Variants in AGPAT4 observed in about 807,000 individuals in gnomAD.
AGPAT4 encodes the protein 1-acyl-sn-glycerol-3-phosphate acyltransferase delta.
In AGPAT4, 15 loss-of-function variants were observed where a neutral mutation model predicts 48.0. The ratio of observed to expected loss-of-function variants is 0.31; its 90% CI spans 0.21 to 0.48. The LOEUF (loss-of-function observed/expected upper bound fraction) is 0.48. Among genes scored for constraint, AGPAT4 ranks in the 20% least tolerant of loss-of-function variants. The pLI is 0.99. For synonymous variants in AGPAT4, 178 were observed against 198.7 expected (o/e 0.90, Z 0.88); for missense variants, 314 against 482.5 (o/e 0.65, Z 3.27).
At chr6:161,179,295 A>T (rs2114991098) in intron 2 of AGPAT4, among the ~76,000 whole-genome samples, 1 of 152,308 alleles carries the variant, frequency 6.6e-6, no homozygotes, top group South Asian at 2.1e-4. Context: ...AGGGCCCAGC[A>T]CCACTCTCTA....
chr6:161,142,337 G>A lies in AGPAT4; in HGVS notation c.844-2717C>T, dbSNP rs1779280649. 6.6e-6 allele frequency among the ~76,000 whole-genome samples: 1 copy of A among 152,158 alleles called. No homozygotes were observed. The highest frequency in any genetic ancestry group is 1.5e-5 in the Non-Finnish European group (1 of 68,036). On this transcript the variant is annotated intron_variant, in intron 7 of 8. Coordinates refer to ENST00000320285, the MANE Select transcript of AGPAT4 (RefSeq NM_020133.3). The surrounding 1 kb of genome is among the most constrained non-coding windows in gnomAD (Gnocchi z 6.4). ...AATGTCCGTGGCCCATCTTGGTTGT[G>A]GACCCGTTTTGTAATAAAATTTGCC... is the stretch of plus-strand genomic sequence containing the variant.
rs1781034818 is a variant in AGPAT4 at position 161,195,020 on chromosome 6, C to T, written c.179-28603G>A. 6.6e-6 allele frequency among the ~76,000 whole-genome samples: 1 copy of T among 152,158 alleles called. No homozygotes were observed. The highest frequency in any genetic ancestry group is 6.5e-5 in the Admixed American group (1 of 15,272). On this transcript the variant is annotated intron_variant, in intron 2 of 8. Coordinates refer to ENST00000320285, the MANE Select transcript of AGPAT4 (RefSeq NM_020133.3). The surrounding 1 kb of genome is among the most constrained non-coding windows in gnomAD (Gnocchi z 5.0). ...TTGCCCCGGGAGAAGCTTTGGCCAC[C>T]ACCTTCCAAGTCCTTGCTTAATTTC...
In AGPAT4 at chr6:161,147,087, T is replaced by C. The variant is rs1040674075; in HGVS notation, c.768-488A>G. ...TCAAATGATTCCTCTGGCCTCTTGG[T>C]TAGCCTTGAGGCAGACTTTCTGCAA... On this transcript the variant is annotated intron_variant, in intron 6 of 8. Transcript: ENST00000320285. This position sits in a 1 kb window ranked among gnomAD's most constrained non-coding sequence, Gnocchi z 4.8. Among the ~76,000 whole-genome samples, 1 of 152,212 alleles carries C rather than the reference T, an allele frequency of 6.6e-6. No homozygotes were observed. The highest frequency in any genetic ancestry group is 1.5e-5 in the Non-Finnish European group (1 of 68,030).
chr6:161,186,771 G>T (rs996920349), intron 2 of AGPAT4, among the ~76,000 whole-genome samples: 2 of 152,124 alleles, frequency 1.3e-5, no homozygotes, highest in African/African-American at 2.4e-5. Context: ...CAACTGCAAC[G>T]CTGTTCCTGG....
chr6:161,154,021 A>G lies in AGPAT4; in HGVS notation c.510+128T>C, dbSNP rs1159703100. 7 of 1,244,504 alleles carry G rather than the reference A, an allele frequency of 5.6e-6. No individual in the cohort carries two copies. In the Admixed American group the frequency reaches 5.8e-5, roughly 10 times the overall value. The allele number at this position is 1,244,504 out of a possible 1,614,324, so 77.1% of individuals were successfully genotyped here. A position where few individuals can be genotyped will look rare whatever the true frequency, so the allele number is the denominator to read the frequency against. ...CATCCCTGAGGTTATACACAGCCCT[A>G]TGGTCACACACAGCCCTGGAGTCGC... On this transcript the variant is annotated intron_variant, in intron 4 of 8. Transcript: ENST00000320285. The surrounding 1 kb of genome is among the most constrained non-coding windows in gnomAD (Gnocchi z 7.8).
chr6:161,161,861 T>C lies in AGPAT4; in HGVS notation c.348+4387A>G, dbSNP rs1337852300. On this transcript the variant is annotated intron_variant, in intron 3 of 8. Coordinates refer to ENST00000320285, the MANE Select transcript of AGPAT4 (RefSeq NM_020133.3). This position sits in a 1 kb window ranked among gnomAD's most constrained non-coding sequence, Gnocchi z 4.6. ...CGTTTAAAGAGGCAGCACAGGGCTT[T>C]ATGGGCGCCCTCACGCACAGGCACT... 1 of 257,442 alleles carries C rather than the reference T, an allele frequency of 3.9e-6. No homozygotes were observed. Among genetic ancestry groups the C allele is most frequent in the South Asian group, 5.1e-5 (1 of 19,784 alleles). 15.9% of individuals were successfully genotyped at this position (257,442 alleles called of 1,614,324 possible).
Position 161,225,465 on chromosome 6 carries a change from T to C in AGPAT4, c.178+6571A>G, listed in dbSNP as rs1013410361. Among the ~76,000 whole-genome samples the C allele has an allele frequency of 2.0e-5, 3 of 152,154 alleles. No individual in the cohort carries two copies. Among genetic ancestry groups the C allele is most frequent in the African/African-American group, 7.2e-5 (3 of 41,432 alleles). On this transcript the variant is annotated intron_variant, in intron 2 of 8. Transcript: ENST00000320285. This position sits in a 1 kb window ranked among gnomAD's most constrained non-coding sequence, Gnocchi z 5.0. ...CCTTGCTGAGAATTAAAAAGAAAAT[T>C]TTATATTCGAGTGCTATTTCTTTTG...
chr6:161,200,465 C>G lies in AGPAT4; in HGVS notation c.178+31571G>C, dbSNP rs1257484417. ...ACAATCCTAATTATCTATGAGAAGG[C>G]CTGCACTCTCTGGCTTCTTCCATTT... is the stretch of plus-strand genomic sequence containing the variant. On this transcript the variant is annotated intron_variant, in intron 2 of 8. Transcript: ENST00000320285. This position sits in a 1 kb window ranked among gnomAD's most constrained non-coding sequence, Gnocchi z 5.5. 1.3e-5 allele frequency among the ~76,000 whole-genome samples: 2 copies of G among 152,190 alleles called. No individual in the cohort carries two copies.
chr6:161,215,611 T>C lies in AGPAT4; in HGVS notation c.178+16425A>G, dbSNP rs1198337037. On this transcript the variant is annotated intron_variant, in intron 2 of 8. Transcript: ENST00000320285. The surrounding 1 kb of genome is among the most constrained non-coding windows in gnomAD (Gnocchi z 4.5). The stretch of plus-strand genomic sequence containing the variant: ...AACCTAAAACATTCTAGTCTTTATA[T>C]TCTGAAGCCTAGCACATGCTTGAAA... Among the ~76,000 whole-genome samples, 3 of 152,024 alleles carry C rather than the reference T, an allele frequency of 2.0e-5. No individual in the cohort carries two copies. The highest frequency in any genetic ancestry group is 4.4e-5 in the Non-Finnish European group (3 of 68,012).
Position 161,158,662 on chromosome 6 carries a change from C to G in AGPAT4, c.349-4352G>C, listed in dbSNP as rs893417729. Among the ~76,000 whole-genome samples, 1 of 152,202 alleles carries G rather than the reference C, an allele frequency of 6.6e-6. No individual in the cohort carries two copies. Among genetic ancestry groups the G allele is most frequent in the Non-Finnish European group, 1.5e-5 (1 of 68,042 alleles). On this transcript the variant is annotated intron_variant, in intron 3 of 8. Coordinates refer to ENST00000320285, the MANE Select transcript of AGPAT4 (RefSeq NM_020133.3). This position sits in a 1 kb window ranked among gnomAD's most constrained non-coding sequence, Gnocchi z 5.3. ...CCCTGGACGTTGGGAAGAGCTGACG[C>G]AGAGAGGGCCTGAGACCCAGTACTC...
intron 2 of AGPAT4, among the ~76,000 whole-genome samples, chr6:161,224,739 C>T (rs1026322940): frequency 2.6e-5 from 4 of 151,502 alleles, no homozygotes; most frequent in East Asian, 1.9e-4. Flanking sequence ...AAGTACCAAA[C>T]GCAATGCCTG....
intron 2 of AGPAT4, among the ~76,000 whole-genome samples, chr6:161,203,686 C>T (rs2115012464): frequency 6.6e-6 from 1 of 152,254 alleles, no homozygotes; most frequent in East Asian, 1.9e-4. Flanking sequence ...GCATGAGCCA[C>T]AGCGCCCGGC....
rs745883963 is a variant in AGPAT4, at chr6:161,236,930, G to A, written c.-89-4628C>T. 6.6e-6 allele frequency among the ~76,000 whole-genome samples: 1 copy of A among 152,022 alleles called. No homozygotes were observed. ...CAAAATAAATAAATAAAAGGCAGGGGGAGGCTTCTCTCCAGATAATGAGTC... is the reference window on the plus strand; with the variant it reads ...CAAAATAAATAAATAAAAGGCAGGGAGAGGCTTCTCTCCAGATAATGAGTC... On this transcript the variant is annotated intron_variant, in intron 1 of 8. Transcript: ENST00000320285. This position sits in a 1 kb window ranked among gnomAD's most constrained non-coding sequence, Gnocchi z 5.0.
rs549319057 is a variant in AGPAT4, at chr6:161,244,523, G to A, written c.-89-12221C>T. Among the ~76,000 whole-genome samples, 24 of 152,118 alleles carry A rather than the reference G, an allele frequency of 1.6e-4. No homozygotes were observed. The highest frequency in any genetic ancestry group is 5.9e-4 in the Admixed American group (9 of 15,270). On this transcript the variant is annotated intron_variant, in intron 1 of 8. Transcript: ENST00000320285. The surrounding 1 kb of genome is among the most constrained non-coding windows in gnomAD (Gnocchi z 4.7). ...AACCATTGGGGAAAGGGTTACAAGCGTAATCTTTTCAGTATTTCAGCACTC... is the reference window on the plus strand; with the variant it reads ...AACCATTGGGGAAAGGGTTACAAGCATAATCTTTTCAGTATTTCAGCACTC...
chr6:161,217,553 G>A lies in AGPAT4; in HGVS notation c.178+14483C>T, dbSNP rs1296812770. On this transcript the variant is annotated intron_variant, in intron 2 of 8. Transcript: ENST00000320285. This position sits in a 1 kb window ranked among gnomAD's most constrained non-coding sequence, Gnocchi z 4.9. ...GTATGAAGGCATTGGCGTTATGCCT[G>A]CATTTTCTCTCACTAATCATGTTCA... is the stretch of plus-strand genomic sequence containing the variant. 6.6e-6 allele frequency among the ~76,000 whole-genome samples: 1 copy of A among 152,172 alleles called. No homozygotes were observed. The highest frequency in any genetic ancestry group is 6.5e-5 in the Admixed American group (1 of 15,292).
In AGPAT4 at chr6:161,177,698, G is replaced by C. The variant is rs556788186; in HGVS notation, c.179-11281C>G. Among the ~76,000 whole-genome samples the C allele has an allele frequency of 9.2e-5, 14 of 152,314 alleles. No individual in the cohort carries two copies. Among genetic ancestry groups the C allele is most frequent in the Non-Finnish European group, 1.9e-4 (13 of 68,030 alleles). ...CAGCTTTCTTCCATTGCTGCGAGGAGCTGCATTCCTTTGGAGTAGAAGAGG... is the reference window on the plus strand; with the variant it reads ...CAGCTTTCTTCCATTGCTGCGAGGACCTGCATTCCTTTGGAGTAGAAGAGG... On this transcript the variant is annotated intron_variant, in intron 2 of 8. Transcript: ENST00000320285. This position sits in a 1 kb window ranked among gnomAD's most constrained non-coding sequence, Gnocchi z 5.0.
Position 161,154,383 on chromosome 6 carries a change from G to C in AGPAT4, c.349-73C>G. The C allele has an allele frequency of 1.3e-6, 2 of 1,574,904 alleles. No homozygotes were observed. The highest frequency in any genetic ancestry group is 2.3e-5 in the South Asian group (2 of 88,710). On this transcript the variant is annotated intron_variant, in intron 3 of 8. Transcript: ENST00000320285. This position sits in a 1 kb window ranked among gnomAD's most constrained non-coding sequence, Gnocchi z 7.8. ...CCACCTGCCGGGGCTGTTGGAGACT[G>C]AAGTAGAAAAAGAGGAGGGGACGTT...
At chr6:161,230,457 A>T (rs530916806) in intron 2 of AGPAT4, among the ~76,000 whole-genome samples, 58 of 152,370 alleles carry the variant, frequency 3.8e-4, no homozygotes, top group Admixed American at 1.1e-3. Context: ...AATAGAGACC[A>T]ACTGCTAGAG....
In AGPAT4 at chr6:161,234,503, T is replaced by A. The variant is rs1727278805; in HGVS notation, c.-89-2201A>T. Among the ~76,000 whole-genome samples the A allele has an allele frequency of 6.6e-6, 1 of 152,054 alleles. No individual in the cohort carries two copies. ...TTACTGAGTTTCAACACTCCCAGGC[T>A]CCCACTGAGGAATAGGCGTTAAGCT... On this transcript the variant is annotated intron_variant, in intron 1 of 8. Transcript: ENST00000320285. This position sits in a 1 kb window ranked among gnomAD's most constrained non-coding sequence, Gnocchi z 4.4.
Sources: gnomAD v4.1 joint callset for allele counts (sites outside exome capture counted in the v4.1 genomes callset) on GRCh38, gnomAD v4.1.1 for gene constraint, Gnocchi (gnomAD v3.1) non-coding constraint, MANE v1.5 for transcripts, NCBI Gene and HGNC (gene_info 2026-07-23, HGNC 2026-07-21) for gene names.